CFTR: variants seen among roughly 807,000 people sequenced by gnomAD.
CFTR encodes cystic fibrosis transmembrane conductance regulator.
CFTR carries 181 observed loss-of-function variants against 171.6 expected under a neutral mutation model. The observed-to-expected ratio is 1.05, with a 90% CI of 0.93 to 1.19. The LOEUF (loss-of-function observed/expected upper bound fraction) is 1.19, where lower values mean the gene tolerates loss of function less well. Ranked by LOEUF, CFTR falls within the 50% of genes most tolerant of loss-of-function variation. The pLI, the probability that CFTR is intolerant of heterozygous loss-of-function variation, is 0.00. For synonymous variants in CFTR, 583 were observed against 608.0 expected (o/e 0.96, Z 0.60); for missense variants, 1,968 against 1,734.7 (o/e 1.13, Z -2.39).
At chr7:117,629,057 T>C (rs1419326470) in intron 22 of CFTR, among the ~76,000 whole-genome samples, 1 of 152,108 alleles carries the variant, frequency 6.6e-6, no homozygotes, top group Non-Finnish European at 1.5e-5. Flanking sequence ...AGTAAAGTAA[T>C]AGAATTTGTG....
intron 1 of CFTR, among the ~76,000 whole-genome samples, chr7:117,484,809 C>G (rs1256084251): frequency 1.3e-5 from 2 of 150,710 alleles, no homozygotes; most frequent in African/African-American, 4.9e-5. Flanking sequence ...AAGTTTATTC[C>G]TATAGTTTTT....
intron 11 of CFTR, among the ~76,000 whole-genome samples, chr7:117,560,430 A>T (rs889139429): frequency 6.6e-6 from 1 of 152,132 alleles, no homozygotes; most frequent in African/African-American, 2.4e-5. Flanking sequence ...AGTGTTTGTG[A>T]TTCAAAAGCA....
intron 1 of CFTR, 87 bp from the exon 2 acceptor site, chr7:117,504,166 A>G: frequency 1.3e-6 from 1 of 784,822 alleles, no homozygotes. Flanking sequence ...AATTTTCCAT[A>G]TGCCAGAAAA....
chr7:117,540,671 G>A (rs1799038237), intron 8 of CFTR, among the ~76,000 whole-genome samples: 1 of 152,146 alleles, frequency 6.6e-6, no homozygotes, highest in African/African-American at 2.4e-5. Flanking sequence ...GGATAAACTT[G>A]TATATGATTA....
chr7:117,655,431 A>T (rs966808777), intron 24 of CFTR, among the ~76,000 whole-genome samples: 6 of 152,242 alleles, frequency 3.9e-5, no homozygotes, highest in Admixed American at 3.9e-4. Context: ...CCTCATTTCC[A>T]TCTGAAAACC....
At chr7:117,520,830 T>A (rs1031718709) in intron 3 of CFTR, among the ~76,000 whole-genome samples, 3 of 151,942 alleles carry the variant, frequency 2.0e-5, no homozygotes, top group African/African-American at 7.2e-5. Context: ...GTGCATGGTA[T>A]TAGGATTGTT....
intron 1 of CFTR, among the ~76,000 whole-genome samples, chr7:117,492,534 A>T (rs544548262): frequency 1.3e-5 from 2 of 152,194 alleles, no homozygotes; most frequent in African/African-American, 4.8e-5. Flanking sequence ...GATAAAAGAT[A>T]AATATTACAC....
rs1415573737 is a variant in CFTR at position 117,614,725 on chromosome 7, C to T, written c.3468+12C>T. ...ATGTGGATAGCTTGGTAAGTCTTATCATCTTTTTAACTTTTATGAAAAAAA... is the reference window on the plus strand; with the variant it reads ...ATGTGGATAGCTTGGTAAGTCTTATTATCTTTTTAACTTTTATGAAAAAAA... On this transcript the variant is annotated intron_variant, in intron 21 of 26. Transcript: ENST00000003084. 3 of 1,580,240 alleles carry T rather than the reference C, an allele frequency of 1.9e-6. No homozygotes were observed. The highest frequency in any genetic ancestry group is 1.3e-5 in the African/African-American group (1 of 74,286).
chr7:117,621,317 C>A (rs10240521), intron 21 of CFTR, among the ~76,000 whole-genome samples: 2,298 of 152,236 alleles, frequency 0.015, 42 homozygotes, highest in African/African-American at 0.035. Flanking sequence ...TGAGTCATAG[C>A]AGAGGGCTCA....
intron 3 of CFTR, among the ~76,000 whole-genome samples, chr7:117,529,674 G>A (rs534027989): frequency 1.3e-5 from 2 of 152,248 alleles, no homozygotes; most frequent in South Asian, 2.1e-4. Context: ...TTCTTGTGGG[G>A]ATGACATTGA....
At chr7:117,617,504 C>T (rs1198225850) in intron 21 of CFTR, among the ~76,000 whole-genome samples, 2 of 151,918 alleles carry the variant, frequency 1.3e-5, no homozygotes, top group Non-Finnish European at 2.9e-5. Flanking sequence ...TTTTTCCCAC[C>T]TTCTTCTTCC....
chr7:117,551,863 A>C (rs1157958994), intron 10 of CFTR, among the ~76,000 whole-genome samples: 2 of 152,130 alleles, frequency 1.3e-5, no homozygotes, highest in African/African-American at 4.8e-5. Flanking sequence ...ACAATTCCTG[A>C]CACCACCTTG....
chr7:117,639,002 G>C (rs1241062147), intron 22 of CFTR, among the ~76,000 whole-genome samples: 1 of 151,976 alleles, frequency 6.6e-6, no homozygotes, highest in Non-Finnish European at 1.5e-5. Context: ...CCCTTCTTGG[G>C]GGGGAAAAAA....
intron 1 of CFTR, among the ~76,000 whole-genome samples, chr7:117,499,585 T>C (rs778910131): frequency 2.0e-5 from 3 of 149,884 alleles, no homozygotes; most frequent in Non-Finnish European, 4.4e-5. Flanking sequence ...AACTTATACA[T>C]AGTAAAATCT....
intron 11 of CFTR, among the ~76,000 whole-genome samples, chr7:117,576,042 G>C (rs528284654): frequency 2.0e-5 from 3 of 152,194 alleles, no homozygotes; most frequent in African/African-American, 7.2e-5. Context: ...AAGTTTGAAA[G>C]TTGCAATCAT....
chr7:117,552,488 T>C (rs1377037393), intron 10 of CFTR, among the ~76,000 whole-genome samples: 2 of 152,180 alleles, frequency 1.3e-5, no homozygotes, highest in Non-Finnish European at 2.9e-5. Flanking sequence ...ATCAAAAAGA[T>C]ATCTGTTACA....
chr7:117,662,780 G>T (rs1793312599), intron 24 of CFTR, among the ~76,000 whole-genome samples: 1 of 152,134 alleles, frequency 6.6e-6, no homozygotes, highest in Non-Finnish European at 1.5e-5. Context: ...GTAAGGAGGA[G>T]AATGATTTAA....
intron 11 of CFTR, among the ~76,000 whole-genome samples, chr7:117,578,436 TTGAC>T (rs1310108298): frequency 3.3e-5 from 5 of 152,196 alleles, no homozygotes; most frequent in Non-Finnish European, 7.3e-5. Flanking sequence ...TATGTGTTAA[TTGAC>T]TGCTTATGTT....
intron 3 of CFTR, among the ~76,000 whole-genome samples, chr7:117,518,355 ATATT>A (rs914286343): frequency 6.8e-5 from 10 of 147,056 alleles, no homozygotes; most frequent in African/African-American, 2.2e-4. Flanking sequence ...TAATATAGTA[ATATT>A]TATTCTAAAT....
Sources: gnomAD v4.1 joint callset for allele counts (sites outside exome capture counted in the v4.1 genomes callset) on GRCh38, gnomAD v4.1.1 for gene constraint, MANE v1.5 for transcripts, NCBI Gene and HGNC (gene_info 2026-07-23, HGNC 2026-07-21) for gene names.